Variants in LUZP2 observed in about 807,000 individuals in gnomAD.
LUZP2 encodes leucine zipper protein 2.
A neutral mutation model predicts 51.6 loss-of-function variants in LUZP2; 52 were observed. The observed-to-expected ratio is 1.01, with a 90% CI of 0.81 to 1.27. The LOEUF (loss-of-function observed/expected upper bound fraction) is 1.27. Ranked by LOEUF, LUZP2 falls within the 50% of genes most tolerant of loss-of-function variation. The probability of loss-of-function intolerance (pLI) is 0.00; values close to 1 mark genes in which losing one functional copy is unlikely to be tolerated. For synonymous variants in LUZP2, 154 were observed against 137.3 expected, an observed-to-expected ratio of 1.12 and a Z score of -0.85; for missense variants, 436 against 395.4, an observed-to-expected ratio of 1.10 and a Z score of -0.87.
At chr11:24,729,731 C>T (rs1229503071) in intron 2 of LUZP2, among the ~76,000 whole-genome samples, 1 of 151,882 alleles carries the variant, frequency 6.6e-6, no homozygotes, top group African/African-American at 2.4e-5. Flanking sequence ...AACATCTTAA[C>T]ATACTGAAAT....
chr11:24,550,661 C>A (rs896842315), intron 1 of LUZP2, among the ~76,000 whole-genome samples: 5 of 152,034 alleles, frequency 3.3e-5, no homozygotes, highest in Non-Finnish European at 7.4e-5. Context: ...CTATTTTTGT[C>A]TTTTGGAACA....
At chr11:24,857,078 T>C (rs7947656) in intron 5 of LUZP2, among the ~76,000 whole-genome samples, 24,800 of 151,950 alleles carry the variant, frequency 0.16, 2,283 homozygotes, top group African/African-American at 0.24. Context: ...GTACCTCTTA[T>C]GTTTATACGA....
intron 1 of LUZP2, among the ~76,000 whole-genome samples, chr11:24,546,941 TTTGTTGTTGTTG>T (rs1033212527): frequency 1.7e-4 from 26 of 149,922 alleles, no homozygotes; most frequent in Middle Eastern, 3.4e-3. Flanking sequence ...TGTGTGTGTT[TTTGTTGTTGTTG>T]TTGTTGTTGT....
intron 5 of LUZP2, among the ~76,000 whole-genome samples, chr11:24,767,849 C>T (rs12280356): frequency 0.08 from 12,211 of 152,154 alleles, 1,059 homozygotes; most frequent in African/African-American, 0.22. Context: ...AAAAATTCAA[C>T]CTCCCTTCTC....
intron 1 of LUZP2, among the ~76,000 whole-genome samples, chr11:24,631,396 G>GTT (rs201315098): frequency 2.1e-5 from 3 of 144,612 alleles, no homozygotes; most frequent in African/African-American, 7.6e-5. Flanking sequence ...TTTCTTTATT[G>GTT]TTTTTTTTTT....
intron 5 of LUZP2, among the ~76,000 whole-genome samples, chr11:24,895,211 G>T (rs551409358): frequency 1.3e-5 from 2 of 152,248 alleles, no homozygotes; most frequent in African/African-American, 4.8e-5. Context: ...TTGAGTTACA[G>T]TGAACCTTAG....
chr11:24,827,742 G>T (rs759485657), intron 5 of LUZP2, among the ~76,000 whole-genome samples: 28 of 152,020 alleles, frequency 1.8e-4, no homozygotes, highest in Non-Finnish European at 3.7e-4. Flanking sequence ...TGGGACCTGG[G>T]GCTCTGCATT....
rs1213347242 is a variant in LUZP2, at chr11:24,686,722, T to C, written c.63-42447T>C. On this transcript the variant is annotated intron_variant, in intron 1 of 11. Coordinates refer to ENST00000336930, the MANE Select transcript of LUZP2 (RefSeq NM_001009909.4). ...GTTGGCAGTAGAAATTGTCCAGTGC[T>C]AATGAGAACAGCGATTTCCAAAATT... 3.3e-5 allele frequency among the ~76,000 whole-genome samples: 5 copies of C among 152,174 alleles called. No homozygotes were observed. The East Asian group carries it at 9.6e-4, about 29-fold the overall frequency.
intron 1 of LUZP2, among the ~76,000 whole-genome samples, chr11:24,511,635 A>C (rs1171175342): frequency 6.6e-6 from 1 of 152,206 alleles, no homozygotes; most frequent in Non-Finnish European, 1.5e-5. Flanking sequence ...CGTTGAACTT[A>C]GGGCGTGCTA....
intron 7 of LUZP2, among the ~76,000 whole-genome samples, chr11:24,967,354 AT>A (rs1218690274): frequency 8.3e-6 from 1 of 119,838 alleles, no homozygotes; most frequent in African/African-American, 3.2e-5. Flanking sequence ...GACATTGTAT[AT>A]CTTTCTGTTT....
At chr11:24,816,013 A>T (rs1850171988) in intron 5 of LUZP2, among the ~76,000 whole-genome samples, 1 of 152,058 alleles carries the variant, frequency 6.6e-6, no homozygotes, top group African/African-American at 2.4e-5. Flanking sequence ...TTTTAAAAAA[A>T]AAAAAAAAAG....
At chr11:25,046,346 A>G (rs7113541) in intron 9 of LUZP2, among the ~76,000 whole-genome samples, 57,746 of 151,886 alleles carry the variant, frequency 0.38, 13,330 homozygotes, top group East Asian at 0.76. Context: ...TCAGTTCTAA[A>G]CATAATACTG....
chr11:25,035,003 C>A lies in LUZP2; in HGVS notation c.766-15035C>A, dbSNP rs1177242986. Among the ~76,000 whole-genome samples the A allele has an allele frequency of 3.3e-5, 5 of 152,002 alleles. No homozygotes were observed. In the East Asian group the frequency reaches 7.7e-4, roughly 23 times the overall value. ...ATCCAACATTCTTTTGTCATAAAAA[C>A]CCTTGACAATTTAGACACCAAAGGA... On this transcript the variant is annotated intron_variant, in intron 9 of 11. Transcript: ENST00000336930.
At chr11:24,769,005 T>C (rs75153995) in intron 5 of LUZP2, among the ~76,000 whole-genome samples, 12,224 of 152,234 alleles carry the variant, frequency 0.08, 1,063 homozygotes, top group African/African-American at 0.22. Context: ...TGTTTATAGA[T>C]GAATGGATAA....
intron 1 of LUZP2, among the ~76,000 whole-genome samples, chr11:24,647,775 C>T (rs1855508068): frequency 6.6e-6 from 1 of 151,816 alleles, no homozygotes; most frequent in South Asian, 2.1e-4. Flanking sequence ...AAAATTTTTA[C>T]CTACTTCAAT....
At chr11:25,016,543 T>TAC in intron 9 of LUZP2, among the ~76,000 whole-genome samples, 1 of 152,234 alleles carries the variant, frequency 6.6e-6, no homozygotes, top group East Asian at 1.9e-4. Context: ...TGTATATATA[T>TAC]ACACACATAC....
At chr11:24,990,386 T>G (rs1856302986) in intron 9 of LUZP2, among the ~76,000 whole-genome samples, 1 of 152,074 alleles carries the variant, frequency 6.6e-6, no homozygotes, top group Non-Finnish European at 1.5e-5. Context: ...CTCCATTTTG[T>G]TTTTCAGCAA....
chr11:24,598,333 T>C (rs2133856736), intron 1 of LUZP2, among the ~76,000 whole-genome samples: 1 of 152,038 alleles, frequency 6.6e-6, no homozygotes, highest in South Asian at 2.1e-4. Flanking sequence ...TTCTGTACAA[T>C]AAGAATATAA....
rs78092666 is a variant in LUZP2, at chr11:24,523,121, G to A, written c.62+25816G>A. Among the ~76,000 whole-genome samples, 22 of 151,944 alleles carry A rather than the reference G, an allele frequency of 1.4e-4. No homozygotes were observed. The East Asian group carries it at 4.1e-3, about 28-fold the overall frequency. On this transcript the variant is annotated intron_variant, in intron 1 of 11. Transcript: ENST00000336930. ...CCTGACTTGCTTTCTGTCAGCATCT[G>A]GTTCTACAGTGAGAATTCTTCTGGA...
Sources: gnomAD v4.1 joint callset for allele counts (sites outside exome capture counted in the v4.1 genomes callset) on GRCh38, gnomAD v4.1.1 for gene constraint, MANE v1.5 for transcripts, NCBI Gene and HGNC (gene_info 2026-07-23, HGNC 2026-07-21) for gene names.